Variants in PLD5 observed in about 807,000 individuals in gnomAD.
The protein encoded by PLD5 is phospholipase D family member 5.
PLD5 carries 36 observed loss-of-function variants against 61.1 expected under a neutral mutation model. That is an observed-to-expected ratio of 0.59 (90% CI 0.45 to 0.78). The LOEUF (loss-of-function observed/expected upper bound fraction) is 0.78. PLD5 is among the 30% of genes least tolerant of loss of function. The probability of loss-of-function intolerance (pLI) is 0.00; values close to 1 mark genes in which losing one functional copy is unlikely to be tolerated. For synonymous variants in PLD5, 243 were observed against 242.8 expected (o/e 1.00, Z -0.01); for missense variants, 515 against 644.4 (o/e 0.80, Z 2.17).
At position 242,145,085 on chromosome 1, in the gene PLD5, C is replaced by T. The variant is rs1298309872; in HGVS notation, c.736-20420G>A. Among the ~76,000 whole-genome samples, 5 of 152,256 alleles carry T rather than the reference C, an allele frequency of 3.3e-5. No individual in the cohort carries two copies. The East Asian group carries it at 9.6e-4, about 29-fold the overall frequency. On this transcript the variant is annotated intron_variant, in intron 5 of 9. Coordinates refer to ENST00000536534, the MANE Select transcript of PLD5 (RefSeq NM_001372062.1). The stretch of plus-strand genomic sequence containing the variant: ...CAGCTAACACATGGTGCAACTGAGG[C>T]CCAGAGCAGTTAACACCAAATGCTT...
chr1:242,471,253 G>A (rs1042398093), intron 1 of PLD5, among the ~76,000 whole-genome samples: 2 of 150,278 alleles, frequency 1.3e-5, no homozygotes, highest in Admixed American at 1.3e-4. Flanking sequence ...CCCAAACCTT[G>A]TTCTGTTGCA....
chr1:242,312,422 TC>T (rs1189172460), intron 2 of PLD5, among the ~76,000 whole-genome samples: 2 of 152,094 alleles, frequency 1.3e-5, no homozygotes, highest in African/African-American at 4.8e-5. Flanking sequence ...TTTTTCTGAT[TC>T]CCTCATATAC....
chr1:242,116,173 A>G (rs1226064775), intron 6 of PLD5, among the ~76,000 whole-genome samples: 4 of 152,174 alleles, frequency 2.6e-5, no homozygotes, highest in Non-Finnish European at 4.4e-5. Flanking sequence ...TTGGGCGGTC[A>G]GAGTTCCTCC....
intron 2 of PLD5, among the ~76,000 whole-genome samples, chr1:242,334,579 C>T (rs1659393084): frequency 6.6e-6 from 1 of 152,120 alleles, no homozygotes; most frequent in Non-Finnish European, 1.5e-5. Context: ...ATCGCAGCAG[C>T]CCTGACTTGG....
At chr1:242,094,878 T>A (rs1258349748) in intron 9 of PLD5, among the ~76,000 whole-genome samples, 3 of 152,150 alleles carry the variant, frequency 2.0e-5, no homozygotes, top group African/African-American at 7.2e-5. Context: ...AGCTTGTAAG[T>A]GTCAGTGCTG....
At chr1:242,228,999 A>C (rs549525900) in intron 4 of PLD5, among the ~76,000 whole-genome samples, 33 of 152,340 alleles carry the variant, frequency 2.2e-4, no homozygotes, top group African/African-American at 7.5e-4. Flanking sequence ...TTCTGCATAC[A>C]TAATTTTTGA....
intron 4 of PLD5, among the ~76,000 whole-genome samples, chr1:242,260,417 T>A (rs10926670): frequency 2.6e-5 from 4 of 151,256 alleles, no homozygotes; most frequent in Non-Finnish European, 5.9e-5. Flanking sequence ...GGCACATCCC[T>A]CAGGAATACG....
chr1:242,207,848 A>ATT (rs1229174843), intron 5 of PLD5, among the ~76,000 whole-genome samples: 3,973 of 57,390 alleles, frequency 0.069, 1,458 homozygotes, highest in East Asian at 0.23. Context: ...ATATTTATAT[A>ATT]TATTTATATA....
At chr1:242,102,007 C>T (rs1660731095) in intron 8 of PLD5, among the ~76,000 whole-genome samples, 1 of 152,208 alleles carries the variant, frequency 6.6e-6, no homozygotes, top group African/African-American at 2.4e-5. Flanking sequence ...CCAGTGTCCT[C>T]AGTTCCTGTC....
intron 1 of PLD5, among the ~76,000 whole-genome samples, chr1:242,373,516 C>T (rs1415709388): frequency 6.6e-5 from 10 of 152,110 alleles, no homozygotes; most frequent in East Asian, 3.9e-4. Context: ...TTTATTGTGG[C>T]GCTATTCACA....
intron 2 of PLD5, among the ~76,000 whole-genome samples, chr1:242,326,870 C>CTT (rs762711570): frequency 0.021 from 3,094 of 145,942 alleles, 50 homozygotes; most frequent in Non-Finnish European, 0.031. Context: ...CCACATCTGC[C>CTT]TTTTTTTTTT....
intron 2 of PLD5, among the ~76,000 whole-genome samples, chr1:242,323,497 T>G (rs1365711358): frequency 6.6e-6 from 1 of 152,222 alleles, no homozygotes; most frequent in Non-Finnish European, 1.5e-5. Flanking sequence ...CCAAAATACA[T>G]GCAGGTTGTT....
At chr1:242,383,483 C>A (rs1662421715) in intron 1 of PLD5, among the ~76,000 whole-genome samples, 1 of 151,364 alleles carries the variant, frequency 6.6e-6, no homozygotes, top group Admixed American at 6.6e-5. Flanking sequence ...GCAGCTTCTG[C>A]TTGGACCATG....
chr1:242,232,365 C>T (rs1671363924), intron 4 of PLD5, among the ~76,000 whole-genome samples: 1 of 152,070 alleles, frequency 6.6e-6, no homozygotes, highest in Admixed American at 6.5e-5. Context: ...AAGTATTTTG[C>T]TTTCTCATTG....
Position 242,143,685 on chromosome 1 carries a change from G to A in PLD5, c.736-19020C>T, listed in dbSNP as rs182688797. Among the ~76,000 whole-genome samples the A allele has an allele frequency of 2.0e-5, 3 of 152,198 alleles. No homozygotes were observed. In the East Asian group the frequency reaches 5.8e-4, roughly 29 times the overall value. On this transcript the variant is annotated intron_variant, in intron 5 of 9. Transcript: ENST00000536534. ...CAAGGACTAGTACATTAAGGAGTGG[G>A]TGATTGTCCTTTATCTTAGGACTCA...
At chr1:242,153,091 A>G (rs911690898) in intron 5 of PLD5, among the ~76,000 whole-genome samples, 128 of 152,190 alleles carry the variant, frequency 8.4e-4, no homozygotes, top group Non-Finnish European at 1.2e-3. Context: ...TTTGATTTGT[A>G]TTTCTCTAAT....
chr1:242,382,311 A>G (rs1312237073), intron 1 of PLD5, among the ~76,000 whole-genome samples: 1 of 152,094 alleles, frequency 6.6e-6, no homozygotes, highest in Non-Finnish European at 1.5e-5. Context: ...ATATTGTGGG[A>G]CTAAAAGAGA....
intron 4 of PLD5, among the ~76,000 whole-genome samples, chr1:242,260,393 T>G (rs1476262310): frequency 1.3e-5 from 2 of 151,334 alleles, no homozygotes; most frequent in African/African-American, 2.4e-5. Context: ...GTAAGCCAAG[T>G]GGTGGCAGCA....
At chr1:242,294,685 G>A (rs939637157) in intron 2 of PLD5, among the ~76,000 whole-genome samples, 1 of 152,102 alleles carries the variant, frequency 6.6e-6, no homozygotes, top group Non-Finnish European at 1.5e-5. Context: ...CAGAAAAAAG[G>A]TTATTACAAA....
Sources: gnomAD v4.1 joint callset for allele counts (sites outside exome capture counted in the v4.1 genomes callset) on GRCh38, gnomAD v4.1.1 for gene constraint, MANE v1.5 for transcripts, NCBI Gene and HGNC (gene_info 2026-07-23, HGNC 2026-07-21) for gene names.